The following CPED1 variants were observed in gnomAD, a reference collection of about 807,000 sequenced individuals.
CPED1 encodes the protein cadherin-like and PC-esterase domain-containing protein 1.
A neutral mutation model predicts 128.2 loss-of-function variants in CPED1; 114 were observed. That is an observed-to-expected ratio of 0.89 (90% confidence interval 0.76 to 1.04). CPED1 has a LOEUF of 1.04. Among genes scored for constraint, CPED1 ranks in the 50% least tolerant of loss-of-function variants. The pLI is 0.00. For synonymous variants in CPED1, 462 were observed against 426.7 expected (o/e 1.08, Z -1.02); for missense variants, 1,211 against 1,207.1 (o/e 1.00, Z -0.05).
intron 2 of CPED1, among the ~76,000 whole-genome samples, chr7:121,000,360 A>G (rs78259994): frequency 0.026 from 4,028 of 152,284 alleles, 188 homozygotes; most frequent in African/African-American, 0.092. Flanking sequence ...GACTTACCAC[A>G]TATGGAGTTC....
chr7:121,153,673 G>A (rs530675770), intron 16 of CPED1, among the ~76,000 whole-genome samples: 96 of 152,264 alleles, frequency 6.3e-4, no homozygotes, highest in Middle Eastern at 6.8e-3. Context: ...TGGTTCCAGA[G>A]CACTGCTAAT....
intron 3 of CPED1, among the ~76,000 whole-genome samples, chr7:121,038,370 T>C (rs2116879820): frequency 1.3e-5 from 2 of 152,260 alleles, no homozygotes; most frequent in South Asian, 4.2e-4. Flanking sequence ...TTCAGTCCTC[T>C]GAATTTTTTT....
chr7:120,997,933 AAAATAAAATAAAAT>A (rs1796436168), intron 2 of CPED1, among the ~76,000 whole-genome samples: 8 of 5,844 alleles, frequency 1.4e-3, no homozygotes, highest in African/African-American at 4.0e-3. Flanking sequence ...GAAAAAAAAT[AAAATAAAATAAAAT>A]AAAATAAAAT....
chr7:121,109,819 C>T (rs546879786), intron 7 of CPED1, among the ~76,000 whole-genome samples: 1 of 152,222 alleles, frequency 6.6e-6, no homozygotes, highest in Non-Finnish European at 1.5e-5. Context: ...TCAGAAGTCA[C>T]AGAAGAAAAA....
chr7:121,270,044 C>A (rs1461107945), intron 21 of CPED1, among the ~76,000 whole-genome samples: 3 of 151,956 alleles, frequency 2.0e-5, no homozygotes, highest in Non-Finnish European at 2.9e-5. Context: ...TTTAAACAAC[C>A]AGATCTTGTG....
chr7:121,113,110 C>G (rs1216599334), intron 7 of CPED1, among the ~76,000 whole-genome samples: 3 of 152,176 alleles, frequency 2.0e-5, no homozygotes, highest in South Asian at 2.1e-4. Context: ...TAATCTATAT[C>G]TTCTTGCATA....
Position 121,168,246 on chromosome 7 carries a change from T to C in CPED1, c.2055+26105T>C, listed in dbSNP as rs184289588. Among the ~76,000 whole-genome samples, 4 of 152,366 alleles carry C rather than the reference T, an allele frequency of 2.6e-5. No homozygotes were observed. In the East Asian group the frequency reaches 7.7e-4, roughly 29 times the overall value. On this transcript the variant is annotated intron_variant, in intron 16 of 22. Coordinates refer to ENST00000310396, the MANE Select transcript of CPED1 (RefSeq NM_024913.5). ...TCAGCTGACCTCTTTACTCACTGGA[T>C]ATTTAAACTTTCTCTTTCACTTTAA...
rs867327154 is a variant in CPED1 at position 120,998,521 on chromosome 7, T to C, written c.249+8651T>C. ...AAATATTAACTATGAAAATAATTAT[T>C]ATTTAATTTCCTTGAAGACTCCCTC... On this transcript the variant is annotated intron_variant, in intron 2 of 22. Coordinates refer to ENST00000310396, the MANE Select transcript of CPED1 (RefSeq NM_024913.5). Among the ~76,000 whole-genome samples, 5 of 152,256 alleles carry C rather than the reference T, an allele frequency of 3.3e-5. No homozygotes were observed. The Middle Eastern group carries it at 0.01, about 311-fold the overall frequency.
At chr7:121,073,773 A>G (rs940908647) in intron 5 of CPED1, among the ~76,000 whole-genome samples, 7 of 149,322 alleles carry the variant, frequency 4.7e-5, no homozygotes, top group African/African-American at 1.7e-4. Context: ...GAATTTCTCC[A>G]AGATCCATAT....
At chr7:120,996,846 T>C (rs1476683244) in intron 2 of CPED1, among the ~76,000 whole-genome samples, 1 of 152,212 alleles carries the variant, frequency 6.6e-6, no homozygotes, top group Non-Finnish European at 1.5e-5. Context: ...TGCCTGCATA[T>C]TCTAGGCAGT....
intron 7 of CPED1, among the ~76,000 whole-genome samples, chr7:121,107,201 C>T (rs768659626): frequency 1.3e-5 from 2 of 152,034 alleles, no homozygotes; most frequent in Non-Finnish European, 2.9e-5. Flanking sequence ...CATTTCTGTA[C>T]AGACACCTAG....
intron 4 of CPED1, 26 bp from the exon 5 acceptor site, chr7:121,064,212 A>C: frequency 6.6e-7 from 1 of 1,504,020 alleles, no homozygotes; most frequent in Non-Finnish European, 9.3e-7. Flanking sequence ...TGCCTCACTC[A>C]CTAGAATCTT....
At chr7:121,059,465 C>T (rs1195049095) in intron 4 of CPED1, among the ~76,000 whole-genome samples, 1 of 152,066 alleles carries the variant, frequency 6.6e-6, no homozygotes, top group African/African-American at 2.4e-5. Flanking sequence ...AACATTTCTA[C>T]AGATATGAGG....
In CPED1 at chr7:121,098,767, A is replaced by AAT. The variant is rs35927005; in HGVS notation, c.749+948_749+949dup. Among the ~76,000 whole-genome samples, 35 of 121,158 alleles carry AAT rather than the reference A, an allele frequency of 2.9e-4. 3 individuals are homozygous for AAT. The East Asian group carries it at 7.4e-3, about 25-fold the overall frequency. The allele number at this position is 121,158 out of a possible 152,430, so 79.5% of individuals were successfully genotyped here. A position where few individuals can be genotyped will look rare whatever the true frequency, so the allele number is the denominator to read the frequency against. ...ATAAAAATATATAAAAATATATATAAATATATATATATAAAAATATATAAA... is the reference window on the plus strand; with the variant it reads ...ATAAAAATATATAAAAATATATATAAATATATATATATATAAAAATATATAAA... On this transcript the variant is annotated intron_variant, in intron 6 of 22. Coordinates refer to ENST00000310396, the MANE Select transcript of CPED1 (RefSeq NM_024913.5).
rs981058262 is a variant in CPED1 at position 121,185,426 on chromosome 7, T to G, written c.2055+43285T>G. 3.3e-5 allele frequency among the ~76,000 whole-genome samples: 5 copies of G among 152,200 alleles called. No homozygotes were observed. In the East Asian group the frequency reaches 9.6e-4, roughly 29 times the overall value. ...TATCTATTTTTACCCCAAACAAGTT[T>G]ACATTTTAATTCTAAAATCTCTATT... On this transcript the variant is annotated intron_variant, in intron 16 of 22. Coordinates refer to ENST00000310396, the MANE Select transcript of CPED1 (RefSeq NM_024913.5).
At chr7:121,082,994 G>A (rs893857278) in intron 5 of CPED1, among the ~76,000 whole-genome samples, 1 of 152,060 alleles carries the variant, frequency 6.6e-6, no homozygotes, top group Non-Finnish European at 1.5e-5. Context: ...TGTGCTGAAG[G>A]CAGAAGACTG....
intron 14 of CPED1, among the ~76,000 whole-genome samples, chr7:121,138,439 AGAT>A (rs1210649017): frequency 3.9e-5 from 6 of 152,110 alleles, no homozygotes; most frequent in Admixed American, 3.9e-4. Flanking sequence ...CTTCAGTGGA[AGAT>A]GATGTCAGAA....
chr7:121,136,193 T>A, intron 14 of CPED1, 103 bp downstream of exon 14: 1 of 1,105,748 alleles, frequency 9.0e-7, no homozygotes, highest in South Asian at 1.6e-5. Flanking sequence ...TATCTTACGC[T>A]GATAATTGTT....
chr7:121,225,172 G>A (rs1797974553), intron 16 of CPED1, among the ~76,000 whole-genome samples: 1 of 152,084 alleles, frequency 6.6e-6, no homozygotes, highest in Non-Finnish European at 1.5e-5. Flanking sequence ...AGGCCTGGTG[G>A]TGACAAAATC....
Sources: allele counts gnomAD v4.1 joint callset (sites outside exome capture counted in the v4.1 genomes callset), GRCh38; gene constraint gnomAD v4.1.1; transcripts MANE v1.5; gene names NCBI Gene and HGNC (gene_info 2026-07-23, HGNC 2026-07-21).